TET2: variants seen among roughly 807,000 people sequenced by gnomAD.
TET2 encodes the protein methylcytosine dioxygenase TET2.
Under a neutral mutation model 142.9 loss-of-function variants are expected in TET2, and 299 were observed. That is an observed-to-expected ratio of 2.09 (90% CI 1.90 to 2.30). The LOEUF is 2.30. Ranked by LOEUF, TET2 falls within the 30% of genes most tolerant of loss-of-function variation. The pLI, the probability that TET2 is intolerant of heterozygous loss-of-function variation, is 0.00. For synonymous variants in TET2, 819 were observed against 849.0 expected (o/e 0.96, Z 0.61); for missense variants, 2,418 against 2,378.0 (o/e 1.02, Z -0.35).
chr4:105,214,149 A>T (rs1578632616), intron 2 of TET2, among the ~76,000 whole-genome samples: 1 of 152,016 alleles, frequency 6.6e-6, no homozygotes, highest in East Asian at 1.9e-4. Flanking sequence ...TCATGTTACG[A>T]TATATATTGG....
intron 8 of TET2, among the ~76,000 whole-genome samples, chr4:105,266,787 G>A (rs947451951): frequency 5.9e-5 from 9 of 151,968 alleles, no homozygotes; most frequent in Non-Finnish European, 1.2e-4. Context: ...ATGTGTAATT[G>A]GAGTACCAGA....
chr4:105,272,906 A>G lies in TET2; in HGVS notation c.4525A>G (p.Lys1509Glu). 6.5e-7 allele frequency: 1 copy of G among 1,532,014 alleles called. No individual in the cohort carries two copies. The highest frequency in any genetic ancestry group is 8.8e-7 in the Non-Finnish European group (1 of 1,139,212). The allele number at this position is 1,532,014 out of a possible 1,614,324, so 94.9% of individuals were successfully genotyped here. Residue 1509 changes from lysine (K) to glutamate (E), a missense_variant, in exon 10 of 11, where the codon AAA (lysine) becomes GAA (glutamate). Coordinates refer to ENST00000380013, the MANE Select transcript of TET2 (RefSeq NM_001127208.3). ...ACAAACTGAAAACGCAAGCCAGGCT[A>G]AACAGTTGGCAGGTAAATTTAATGT... The part of the protein sequence containing the change: ...TKQTENASQA[K>E]QLAELLRLSG...
chr4:105,213,172 G>A (rs865966884), intron 2 of TET2, among the ~76,000 whole-genome samples: 25 of 152,140 alleles, frequency 1.6e-4, no homozygotes, highest in Admixed American at 6.5e-4. Flanking sequence ...ATATACAGGT[G>A]CATTATGAAA....
intron 3 of TET2, chr4:105,240,024 T>G (rs991280422): frequency 2.5e-5 from 6 of 240,320 alleles, no homozygotes; most frequent in Admixed American, 1.1e-4. Context: ...TTTATCAGAT[T>G]ATGTTTGCAC....
At chr4:105,237,714 G>C in intron 3 of TET2, 48 of 1,203,204 alleles carry the variant, frequency 4.0e-5, no homozygotes, top group East Asian at 9.2e-5. Context: ...ATTAAAATGA[G>C]AAAATAACGA....
intron 1 of TET2, chr4:105,147,511 C>T (rs1253262958): frequency 1.3e-5 from 2 of 152,230 alleles, no homozygotes; most frequent in Non-Finnish European, 1.5e-5. Flanking sequence ...ACCTTCTTAT[C>T]CCCCTTTAGG....
intron 1 of TET2, among the ~76,000 whole-genome samples, chr4:105,154,013 A>G (rs1001319350): frequency 6.6e-6 from 1 of 152,252 alleles, no homozygotes; most frequent in African/African-American, 2.4e-5. Context: ...GCTGTCACAT[A>G]GGTGAATCTG....
chr4:105,248,891 G>C (rs1481127795), intron 6 of TET2, among the ~76,000 whole-genome samples: 1 of 149,708 alleles, frequency 6.7e-6, no homozygotes, highest in East Asian at 2.0e-4. Context: ...TGGGCATTTT[G>C]TATTAGTGAA....
intron 2 of TET2, among the ~76,000 whole-genome samples, chr4:105,207,817 T>C (rs555288901): frequency 6.6e-6 from 1 of 152,288 alleles, no homozygotes; most frequent in Admixed American, 6.5e-5. Context: ...ATAGAATCAA[T>C]ACTTGGTGAT....
At chr4:105,231,772 G>A (rs772535237) in intron 2 of TET2, among the ~76,000 whole-genome samples, 3 of 152,126 alleles carry the variant, frequency 2.0e-5, no homozygotes, top group Non-Finnish European at 4.4e-5. Context: ...AAGACTGTGG[G>A]AAAATAAAGC....
intron 3 of TET2, chr4:105,239,500 T>A (rs1015667358): frequency 1.7e-5 from 4 of 238,594 alleles, no homozygotes; most frequent in Non-Finnish European, 3.6e-5. Flanking sequence ...CTGCGCTTCT[T>A]AAACTTTATA....
intron 2 of TET2, among the ~76,000 whole-genome samples, chr4:105,228,393 A>T (rs1333157156): frequency 6.6e-6 from 1 of 152,108 alleles, no homozygotes; most frequent in East Asian, 1.9e-4. Flanking sequence ...TATAATGTTT[A>T]AAAATGGCCA....
chr4:105,237,453 G>A, intron 3 of TET2, 102 bp downstream of exon 3: 1 of 1,612,712 alleles, frequency 6.2e-7, no homozygotes, highest in Non-Finnish European at 8.5e-7. Context: ...CTTGAGTCTG[G>A]CAGCAATTTG....
chr4:105,195,211 T>C (rs963223249), intron 2 of TET2, among the ~76,000 whole-genome samples: 32 of 152,202 alleles, frequency 2.1e-4, no homozygotes, highest in African/African-American at 7.5e-4. Flanking sequence ...CTGCCTCTGT[T>C]GATCTCAGGA....
In TET2 at chr4:105,234,002, A is replaced by C. The variant is rs1239334104; in HGVS notation, c.60A>C (p.Pro20=). Reference sequence around the variant, plus strand: ...ACAGACTAAGTCCATTCCTGATACCATCACCTCCCATTTGCCAGACAGAAC... The same window carrying C: ...ACAGACTAAGTCCATTCCTGATACCCTCACCTCCCATTTGCCAGACAGAAC... ...EGNRLSPFLI[P]SPPICQTEPL... The change falls in exon 3 of 11, where the codon CCA becomes CCC. Residue 20 remains proline, a synonymous_variant. Transcript: ENST00000380013. 18 of 1,613,986 alleles carry C rather than the reference A, an allele frequency of 1.1e-5. No individual in the cohort carries two copies. Among genetic ancestry groups the C allele is most frequent in the Non-Finnish European group, 1.4e-5 (17 of 1,180,022 alleles).
intron 6 of TET2, among the ~76,000 whole-genome samples, chr4:105,244,814 C>T (rs375017315): frequency 2.0e-5 from 3 of 152,018 alleles, no homozygotes; most frequent in South Asian, 4.1e-4. Context: ...AGGCTGGTCT[C>T]GAACTCCCGA....
At chr4:105,256,886 A>AC (rs1172411412) in intron 6 of TET2, among the ~76,000 whole-genome samples, 1 of 152,062 alleles carries the variant, frequency 6.6e-6, no homozygotes, top group East Asian at 1.9e-4. Flanking sequence ...TGCAGTTATT[A>AC]CACTTTCAGC....
At chr4:105,215,640 A>G (rs1727445853) in intron 2 of TET2, among the ~76,000 whole-genome samples, 1 of 152,238 alleles carries the variant, frequency 6.6e-6, no homozygotes, top group South Asian at 2.1e-4. Flanking sequence ...GCACTGCTTC[A>G]ATAATGCAGT....
At chr4:105,247,445 A>G (rs1729632560) in intron 6 of TET2, among the ~76,000 whole-genome samples, 1 of 152,220 alleles carries the variant, frequency 6.6e-6, no homozygotes, top group African/African-American at 2.4e-5. Context: ...ATTGTCTGGG[A>G]TAGCTATTAA....
Sources: allele counts gnomAD v4.1 joint callset (sites outside exome capture counted in the v4.1 genomes callset), GRCh38; gene constraint gnomAD v4.1.1; transcripts MANE v1.5; gene names NCBI Gene and HGNC (gene_info 2026-07-23, HGNC 2026-07-21).